DIAPH3: variants seen among roughly 807,000 people sequenced by gnomAD.
DIAPH3 encodes diaphanous related formin 3, also known as protein diaphanous homolog 3.
A neutral mutation model predicts 144.3 loss-of-function variants in DIAPH3; 117 were observed. The observed-to-expected ratio is 0.81, with a 90% CI of 0.70 to 0.95. The LOEUF is 0.95. DIAPH3 is among the 40% of genes least tolerant of loss of function. The pLI is 0.00. For missense variants in DIAPH3, 1,421 were observed against 1,412.7 expected (o/e 1.01, Z -0.09); for synonymous variants, 519 against 488.9 (o/e 1.06, Z -0.81).
At chr13:59,936,671 C>T (rs1257604076) in intron 17 of DIAPH3, among the ~76,000 whole-genome samples, 1 of 152,052 alleles carries the variant, frequency 6.6e-6, no homozygotes, top group African/African-American at 2.4e-5. Flanking sequence ...AGTTCAAAAC[C>T]CGACTGAAGG....
intron 4 of DIAPH3, among the ~76,000 whole-genome samples, chr13:60,068,256 A>C (rs1281179647): frequency 6.6e-6 from 1 of 152,164 alleles, no homozygotes; most frequent in Admixed American, 6.5e-5. Flanking sequence ...ATGAGAATGC[A>C]TATTTTCTTT....
chr13:59,757,693 C>A (rs1398049485), intron 27 of DIAPH3, among the ~76,000 whole-genome samples: 1 of 152,102 alleles, frequency 6.6e-6, no homozygotes, highest in Non-Finnish European at 1.5e-5. Flanking sequence ...AGCCACCGCG[C>A]CCGGCCTATT....
chr13:59,826,649 A>G (rs1415557797), intron 24 of DIAPH3, among the ~76,000 whole-genome samples: 1 of 151,588 alleles, frequency 6.6e-6, no homozygotes, highest in Non-Finnish European at 1.5e-5. Flanking sequence ...TCAAGCTACC[A>G]ATGACTTTCT....
intron 4 of DIAPH3, among the ~76,000 whole-genome samples, chr13:60,088,218 G>A (rs1939214295): frequency 9.9e-6 from 1 of 101,154 alleles, no homozygotes; most frequent in African/African-American, 4.0e-5. Context: ...ATAAGCAAAT[G>A]TTCATCTCTA....
intron 25 of DIAPH3, among the ~76,000 whole-genome samples, chr13:59,797,788 AC>A (rs1479861646): frequency 6.6e-6 from 1 of 151,614 alleles, no homozygotes. Flanking sequence ...GGAAAGGGCC[AC>A]CTCCAGCTTA....
chr13:59,990,453 T>C (rs886231420), intron 12 of DIAPH3, among the ~76,000 whole-genome samples: 2 of 152,042 alleles, frequency 1.3e-5, no homozygotes, highest in African/African-American at 4.8e-5. Context: ...AATGATTTTA[T>C]ATTCAAAGAG....
At chr13:59,691,720 G>C (rs2033534878) in intron 27 of DIAPH3, among the ~76,000 whole-genome samples, 1 of 152,106 alleles carries the variant, frequency 6.6e-6, no homozygotes, top group Non-Finnish European at 1.5e-5. Context: ...TAAACAAGGA[G>C]GAAAGAATGT....
intron 22 of DIAPH3, among the ~76,000 whole-genome samples, chr13:59,843,384 T>A (rs1247177004): frequency 6.6e-6 from 1 of 152,130 alleles, no homozygotes; most frequent in Non-Finnish European, 1.5e-5. Context: ...GCTACCCCAA[T>A]GAGTGAGTGC....
intron 17 of DIAPH3, among the ~76,000 whole-genome samples, chr13:59,956,230 G>A (rs368050688): frequency 7.2e-5 from 11 of 152,320 alleles, no homozygotes; most frequent in African/African-American, 2.4e-4. Flanking sequence ...TGGGGAAAAT[G>A]TCTCCAAGGC....
At chr13:60,028,109 T>G (rs1293036538) in intron 5 of DIAPH3, among the ~76,000 whole-genome samples, 1 of 152,176 alleles carries the variant, frequency 6.6e-6, no homozygotes, top group Non-Finnish European at 1.5e-5. Context: ...TCACATTTCC[T>G]TCTTCTTTGA....
intron 25 of DIAPH3, among the ~76,000 whole-genome samples, chr13:59,801,968 CCT>C (rs2039922000): frequency 6.6e-6 from 1 of 151,718 alleles, no homozygotes; most frequent in South Asian, 2.1e-4. Context: ...TTTTTTTCCC[CCT>C]CTTTGAGATA....
At chr13:59,734,041 A>G (rs2036019750) in intron 27 of DIAPH3, among the ~76,000 whole-genome samples, 1 of 152,256 alleles carries the variant, frequency 6.6e-6, no homozygotes, top group Non-Finnish European at 1.5e-5. Flanking sequence ...TAAGATTATA[A>G]TTAGGCATGA....
chr13:59,762,886 T>C (rs1455952687), intron 27 of DIAPH3, among the ~76,000 whole-genome samples: 2 of 152,228 alleles, frequency 1.3e-5, no homozygotes, highest in East Asian at 3.9e-4. Flanking sequence ...ATTGTGAGAA[T>C]AGTTTCCTTA....
intron 24 of DIAPH3, among the ~76,000 whole-genome samples, chr13:59,818,468 T>TAG (rs966505951): frequency 2.6e-5 from 4 of 151,662 alleles, no homozygotes; most frequent in African/African-American, 9.7e-5. Context: ...GGTCATATCT[T>TAG]TTCTCTCTGG....
chr13:59,842,520 C>T (rs894497996), intron 22 of DIAPH3, among the ~76,000 whole-genome samples: 1 of 152,042 alleles, frequency 6.6e-6, no homozygotes, highest in African/African-American at 2.4e-5. Flanking sequence ...GTGCAGACTC[C>T]ATAAGTTAAG....
chr13:60,159,054 C>A (rs990737855), intron 1 of DIAPH3, among the ~76,000 whole-genome samples: 1 of 151,896 alleles, frequency 6.6e-6, no homozygotes, highest in Non-Finnish European at 1.5e-5. Context: ...TCCAAATAAC[C>A]CAAAGTAATT....
At chr13:59,806,321 C>A (rs972767756) in intron 25 of DIAPH3, among the ~76,000 whole-genome samples, 20 of 151,864 alleles carry the variant, frequency 1.3e-4, no homozygotes, top group African/African-American at 4.8e-4. Flanking sequence ...AAATATAACA[C>A]CTGCGAAGAA....
At chr13:60,092,404 G>A (rs985762232) in intron 4 of DIAPH3, among the ~76,000 whole-genome samples, 2 of 152,180 alleles carry the variant, frequency 1.3e-5, no homozygotes, top group East Asian at 1.9e-4. Context: ...TGTAATCCCA[G>A]CACTTTGGGA....
At position 59,748,674 on chromosome 13, in the gene DIAPH3, T is replaced by G. The variant is rs551068809; in HGVS notation, c.3319+25515A>C. ...TCCATTTTTCTTCAATCAGCTGCTG[T>G]GATATAAATGTATGCAACCTGTAAA... is the stretch of plus-strand genomic sequence containing the variant. On this transcript the variant is annotated intron_variant, in intron 27 of 27. Coordinates refer to ENST00000400324, the MANE Select transcript of DIAPH3 (RefSeq NM_001042517.2). Among the ~76,000 whole-genome samples, 16 of 152,312 alleles carry G rather than the reference T, an allele frequency of 1.1e-4. No individual in the cohort carries two copies. In the South Asian group the frequency reaches 3.3e-3, roughly 32 times the overall value.
Sources: allele counts gnomAD v4.1 joint callset (sites outside exome capture counted in the v4.1 genomes callset), GRCh38; gene constraint gnomAD v4.1.1; transcripts MANE v1.5; gene names NCBI Gene and HGNC (gene_info 2026-07-23, HGNC 2026-07-21).